The following RUSC2 variants were observed in gnomAD, a reference collection of about 807,000 sequenced individuals.
RUSC2 encodes AP-4 complex accessory subunit RUSC2.
RUSC2 carries 34 observed loss-of-function variants against 122.2 expected under a neutral mutation model. That is an observed-to-expected ratio of 0.28 (90% CI 0.21 to 0.37). The LOEUF is 0.37. Among genes scored for constraint, RUSC2 ranks in the 10% least tolerant of loss-of-function variants. The pLI is 1.00. For missense variants in RUSC2, 1,747 were observed against 1,952.4 expected (o/e 0.89, Z 1.98); for synonymous variants, 784 against 790.0 (o/e 0.99, Z 0.13).
Position 35,546,384 on chromosome 9 carries a change from TC to T in RUSC2, c.-92-44del, listed in dbSNP as rs1298691782. ...TGTAGGGAAGGGCATGCCCCTGACT[TC>T]CAGGGAGGTGACATTAGGTTCCCTT... is the stretch of plus-strand genomic sequence containing the variant. On this transcript the variant is annotated intron_variant, in intron 1 of 11. Coordinates refer to ENST00000361226, the MANE Select transcript of RUSC2 (RefSeq NM_014806.5). This position sits in a 1 kb window ranked among gnomAD's most constrained non-coding sequence, Gnocchi z 4.3. The T allele has an allele frequency of 9.5e-6, 5 of 526,674 alleles. No homozygotes were observed. The highest frequency in any genetic ancestry group is 1.5e-5 in the Non-Finnish European group (5 of 334,914). 32.6% of individuals were successfully genotyped at this position (526,674 alleles called of 1,614,324 possible).
Position 35,558,557 on chromosome 9 carries a change from G to C in RUSC2, c.3331G>C (p.Gly1111Arg). The C allele has an allele frequency of 6.2e-7, 1 of 1,613,566 alleles. No homozygotes were observed. The highest frequency in any genetic ancestry group is 8.5e-7 in the Non-Finnish European group (1 of 1,179,628). Reference protein sequence around the residue: ...HTMRFNAFILGLLNIRSLEFW... With the variant: ...HTMRFNAFILRLLNIRSLEFW... The stretch of plus-strand genomic sequence containing the variant: ...CATGCGCTTCAACGCCTTCATCCTC[G>C]GCCTGCTCAAGTGAGTGCACAGAGC... The change falls in exon 8 of 12, where the codon GGC becomes CGC. Residue 1111 changes from glycine to arginine, a missense_variant. By Grantham distance (125) the Gly-to-Arg change is moderately radical. Transcript: ENST00000361226. This position sits in a 1 kb window ranked among gnomAD's most constrained non-coding sequence, Gnocchi z 4.3.
rs118043665 is a variant in RUSC2, at chr9:35,500,135, G to A, written c.-93+9963G>A. 2.0e-4 allele frequency among the ~76,000 whole-genome samples: 24 copies of A among 121,826 alleles called. No individual in the cohort carries two copies. In the East Asian group the frequency reaches 4.8e-3, roughly 24 times the overall value. The allele number at this position is 121,826 out of a possible 152,430, so 79.9% of individuals were successfully genotyped here. ...TCTCCCAAAGCCTAGTGATTCAGAC[G>A]TTTCTGCCTTACTGTATTAGTCTGT... On this transcript the variant is annotated intron_variant, in intron 1 of 11. Coordinates refer to ENST00000361226, the MANE Select transcript of RUSC2 (RefSeq NM_014806.5).
At chr9:35,533,381 T>G (rs1173870783) in intron 1 of RUSC2, among the ~76,000 whole-genome samples, 1 of 152,198 alleles carries the variant, frequency 6.6e-6, no homozygotes, top group Non-Finnish European at 1.5e-5. Context: ...CCCCCAGTTA[T>G]GGGGTTCTCA....
chr9:35,524,942 G>A (rs553081213), intron 1 of RUSC2, among the ~76,000 whole-genome samples: 3 of 151,448 alleles, frequency 2.0e-5, no homozygotes, highest in Admixed American at 2.0e-4. Flanking sequence ...CTGCACTCCA[G>A]CCTGGGGGAC....
chr9:35,515,718 G>A (rs1255521876), intron 1 of RUSC2, among the ~76,000 whole-genome samples: 2 of 151,916 alleles, frequency 1.3e-5, no homozygotes, highest in African/African-American at 4.8e-5. Context: ...GCACTTATGG[G>A]CCAGACACAG....
At chr9:35,552,001 C>T (rs1388582587) in intron 2 of RUSC2, among the ~76,000 whole-genome samples, 1 of 151,264 alleles carries the variant, frequency 6.6e-6, no homozygotes, top group Admixed American at 6.6e-5. Flanking sequence ...GAGTTTGAGG[C>T]ACAGTGAGCT....
At chr9:35,514,452 C>T (rs879499597) in intron 1 of RUSC2, among the ~76,000 whole-genome samples, 43 of 152,072 alleles carry the variant, frequency 2.8e-4, no homozygotes, top group Non-Finnish European at 4.4e-4. Context: ...GGAAAGCCTT[C>T]GAAGGGTTTT....
Position 35,555,370 on chromosome 9 carries a change from G to A in RUSC2, c.2325G>A (p.Ser775=), listed in dbSNP as rs767118616. ...AGSEPETSRP[S]PLGSYSPIRS... ...CTGAGCCAGAGACCTCTCGGCCATC[G>A]CCCCTGGGCAGCTACTCCCCCATCC... is the stretch of plus-strand genomic sequence containing the variant. The change falls in exon 3 of 12, where the codon TCG becomes TCA. Residue 775 remains serine, a synonymous_variant. Coordinates refer to ENST00000361226, the MANE Select transcript of RUSC2 (RefSeq NM_014806.5). The surrounding 1 kb of genome is among the most constrained non-coding windows in gnomAD (Gnocchi z 4.6). 2.3e-5 allele frequency: 37 copies of A among 1,614,104 alleles called. 1 individual carries two copies. In the South Asian group the frequency reaches 2.5e-4, roughly 11 times the overall value.
chr9:35,532,186 C>T (rs1416235714), intron 1 of RUSC2, among the ~76,000 whole-genome samples: 4 of 152,026 alleles, frequency 2.6e-5, no homozygotes, highest in Admixed American at 1.3e-4. Flanking sequence ...TTTTAAAAAT[C>T]GATTTGGTTT....
intron 1 of RUSC2, among the ~76,000 whole-genome samples, chr9:35,503,289 G>C (rs1324993619): frequency 6.6e-6 from 1 of 152,094 alleles, no homozygotes; most frequent in Non-Finnish European, 1.5e-5. Context: ...AGTCCCCAAA[G>C]TCTATTATAT....
intron 1 of RUSC2, among the ~76,000 whole-genome samples, chr9:35,494,204 G>A (rs62543252): frequency 3.3e-5 from 5 of 150,742 alleles, no homozygotes; most frequent in African/African-American, 9.8e-5. Flanking sequence ...GGTGGCTCAC[G>A]CCTGTAATCC....
chr9:35,513,964 ATTTC>A (rs1821058957), intron 1 of RUSC2, among the ~76,000 whole-genome samples: 1 of 136,166 alleles, frequency 7.3e-6, no homozygotes, highest in Non-Finnish European at 1.6e-5. Flanking sequence ...TTATAATGTT[ATTTC>A]TTTTAAATAC....
chr9:35,556,530 A>ACATCTAAGTGCTGGCTGGGC, intron 5 of RUSC2, 82 bp downstream of exon 5: 2 of 1,327,956 alleles, frequency 1.5e-6, no homozygotes, highest in East Asian at 2.4e-5. Context: ...CCAGTCTGAA[A>ACATCTAAGTGCTGGCTGGGC]CCTCTAAGTG....
At chr9:35,503,412 A>G (rs989423563) in intron 1 of RUSC2, among the ~76,000 whole-genome samples, 1 of 152,200 alleles carries the variant, frequency 6.6e-6, no homozygotes. Context: ...CTCCAGCTCC[A>G]TCCAAGTTGC....
At chr9:35,511,229 A>AT (rs2132505555) in intron 1 of RUSC2, among the ~76,000 whole-genome samples, 1 of 152,214 alleles carries the variant, frequency 6.6e-6, no homozygotes, top group Non-Finnish European at 1.5e-5. Flanking sequence ...AGCAGTCCCT[A>AT]TTGGAAGCAG....
intron 1 of RUSC2, among the ~76,000 whole-genome samples, chr9:35,521,937 T>G (rs1163789314): frequency 1.3e-5 from 2 of 152,264 alleles, no homozygotes; most frequent in Non-Finnish European, 2.9e-5. Flanking sequence ...GGAATCAGAC[T>G]CCTGATGCCA....
chr9:35,501,565 A>G (rs1429439356), intron 1 of RUSC2, among the ~76,000 whole-genome samples: 2 of 152,194 alleles, frequency 1.3e-5, no homozygotes, highest in South Asian at 4.1e-4. Context: ...TGACAGAGTG[A>G]GGCTCCATCT....
chr9:35,537,747 C>T (rs1821557859), intron 1 of RUSC2, among the ~76,000 whole-genome samples: 1 of 152,170 alleles, frequency 6.6e-6, no homozygotes. Flanking sequence ...ACCTGAAATC[C>T]AAGGGCAGGC....
intron 2 of RUSC2, among the ~76,000 whole-genome samples, chr9:35,551,308 T>C (rs1465911852): frequency 1.3e-5 from 2 of 152,162 alleles, no homozygotes; most frequent in African/African-American, 4.8e-5. Context: ...GTTGGGTCTG[T>C]TGGCTTCACA....
Sources: gnomAD v4.1 joint callset for allele counts (sites outside exome capture counted in the v4.1 genomes callset) on GRCh38, gnomAD v4.1.1 for gene constraint, Gnocchi (gnomAD v3.1) non-coding constraint, MANE v1.5 for transcripts, NCBI Gene and HGNC (gene_info 2026-07-23, HGNC 2026-07-21) for gene names.